ST18: variants seen among roughly 807,000 people sequenced by gnomAD.
ST18 encodes suppression of tumorigenicity 18 protein.
In ST18, 50 loss-of-function variants were observed where a neutral mutation model predicts 110.0. The observed-to-expected ratio is 0.45, with a 90% CI of 0.36 to 0.58. The LOEUF (loss-of-function observed/expected upper bound fraction) is 0.58. Ranked by LOEUF, ST18 falls within the 20% of genes least tolerant of loss-of-function variation. The pLI, the probability that ST18 is intolerant of heterozygous loss-of-function variation, is 0.00. For missense variants in ST18, 1,306 were observed against 1,280.1 expected (o/e 1.02, Z -0.31); for synonymous variants, 461 against 452.4 (o/e 1.02, Z -0.24).
chr8:52,304,339 C>T (rs2139592391), intron 2 of ST18, among the ~76,000 whole-genome samples: 1 of 152,196 alleles, frequency 6.6e-6, no homozygotes, highest in African/African-American at 2.4e-5. Context: ...TACACACACA[C>T]ACATGTGCAC....
intron 2 of ST18, among the ~76,000 whole-genome samples, chr8:52,383,155 T>A (rs1242410840): frequency 6.6e-6 from 1 of 152,124 alleles, no homozygotes; most frequent in Non-Finnish European, 1.5e-5. Context: ...GCTCAAAGGG[T>A]GACTTCTATT....
rs146233338 is a variant in ST18 at position 52,373,973 on chromosome 8, G to A, written c.-465+35355C>T. On this transcript the variant is annotated intron_variant, in intron 2 of 25. Transcript: ENST00000689386. ...CACTCCTCACACTCCAGGGCGAACA[G>A]TTTTCGCCATCATTCTGTTTCTCAA... 1.6e-3 allele frequency among the ~76,000 whole-genome samples: 238 copies of A among 152,176 alleles called. 4 individuals carry two copies. In the East Asian group the frequency reaches 0.039, roughly 25 times the overall value.
intron 8 of ST18, among the ~76,000 whole-genome samples, chr8:52,200,023 C>T (rs2077429797): frequency 6.6e-6 from 1 of 152,198 alleles, no homozygotes; most frequent in Non-Finnish European, 1.5e-5. Flanking sequence ...CTTTCAAAAA[C>T]TATGAGTTCC....
chr8:52,343,426 C>A (rs891662337), intron 2 of ST18, among the ~76,000 whole-genome samples: 1 of 152,094 alleles, frequency 6.6e-6, no homozygotes, highest in Non-Finnish European at 1.5e-5. Context: ...CTTGAATGTA[C>A]CAACCATAGA....
intron 2 of ST18, among the ~76,000 whole-genome samples, chr8:52,243,744 A>G (rs2093626986): frequency 6.6e-6 from 1 of 152,230 alleles, no homozygotes; most frequent in African/African-American, 2.4e-5. Context: ...CACATATATC[A>G]TCATTGTTCT....
At chr8:52,170,825 C>A (rs1305445938) in intron 10 of ST18, among the ~76,000 whole-genome samples, 1 of 152,144 alleles carries the variant, frequency 6.6e-6, no homozygotes, top group Non-Finnish European at 1.5e-5. Context: ...GTCAAGATTG[C>A]AGGTGAGTGC....
At chr8:52,321,672 A>T (rs1303925997) in intron 2 of ST18, among the ~76,000 whole-genome samples, 1 of 152,212 alleles carries the variant, frequency 6.6e-6, no homozygotes, top group Non-Finnish European at 1.5e-5. Flanking sequence ...TACAATCACC[A>T]ACTAGGTCAT....
chr8:52,241,255 A>G (rs373619788), intron 2 of ST18, among the ~76,000 whole-genome samples: 5 of 152,190 alleles, frequency 3.3e-5, no homozygotes, highest in Non-Finnish European at 7.4e-5. Flanking sequence ...TCAATGCTCA[A>G]TATGTTTGTT....
At chr8:52,166,449 G>T (rs2063021542) in intron 11 of ST18, among the ~76,000 whole-genome samples, 1 of 152,124 alleles carries the variant, frequency 6.6e-6, no homozygotes, top group South Asian at 2.1e-4. Flanking sequence ...ATGCCCTCGA[G>T]CCTGCTGAAA....
At chr8:52,310,060 A>G (rs911467754) in intron 2 of ST18, among the ~76,000 whole-genome samples, 1 of 152,178 alleles carries the variant, frequency 6.6e-6, no homozygotes, top group African/African-American at 2.4e-5. Flanking sequence ...ATCCTCACTT[A>G]ATGTTTAATC....
At chr8:52,286,954 G>T (rs1258698700) in intron 2 of ST18, among the ~76,000 whole-genome samples, 1 of 151,946 alleles carries the variant, frequency 6.6e-6, no homozygotes, top group Non-Finnish European at 1.5e-5. Context: ...TGTGATACAG[G>T]TGTGCTCAAG....
At chr8:52,128,006 G>A (rs2047764879) in intron 22 of ST18, among the ~76,000 whole-genome samples, 1 of 151,000 alleles carries the variant, frequency 6.6e-6, no homozygotes, top group Non-Finnish European at 1.5e-5. Context: ...GTCTCACCAA[G>A]CCACCCAGGC....
chr8:52,187,975 A>G lies in ST18; in HGVS notation c.87-7663T>C, dbSNP rs549911412. Among the ~76,000 whole-genome samples, 9 of 152,340 alleles carry G rather than the reference A, an allele frequency of 5.9e-5. No individual in the cohort carries two copies. In the East Asian group the frequency reaches 1.3e-3, roughly 23 times the overall value. ...CAATTATTCAGCAAAATCAATGTAT[A>G]TGGACAGTACTATTTTTCCAGCTTA... On this transcript the variant is annotated intron_variant, in intron 8 of 25. Coordinates refer to ENST00000689386, the MANE Select transcript of ST18 (RefSeq NM_001352837.2).
At chr8:52,372,635 T>C (rs1018094287) in intron 2 of ST18, among the ~76,000 whole-genome samples, 1 of 152,210 alleles carries the variant, frequency 6.6e-6, no homozygotes, top group Non-Finnish European at 1.5e-5. Flanking sequence ...TGTTTAAATA[T>C]GTTTAGATAC....
intron 2 of ST18, among the ~76,000 whole-genome samples, chr8:52,290,549 G>C (rs1388228545): frequency 6.6e-6 from 1 of 152,216 alleles, no homozygotes; most frequent in Non-Finnish European, 1.5e-5. Flanking sequence ...TTCATCAGTA[G>C]AACTTCCTCA....
Position 52,149,996 on chromosome 8 carries a change from C to G in ST18, c.1807-19G>C, listed in dbSNP as rs370450883. ...CGGCTCCCTGGTATACAATAGGAAA[C>G]AGAAAAACATTTAAGCAGTTTGCAG... On this transcript the variant is annotated intron_variant, in intron 15 of 25. Coordinates refer to ENST00000689386, the MANE Select transcript of ST18 (RefSeq NM_001352837.2). 7.5e-6 allele frequency: 12 copies of G among 1,603,598 alleles called. No homozygotes were observed. The highest frequency in any genetic ancestry group is 9.4e-6 in the Non-Finnish European group (11 of 1,174,822).
At chr8:52,373,083 G>A (rs1830826605) in intron 2 of ST18, among the ~76,000 whole-genome samples, 1 of 152,176 alleles carries the variant, frequency 6.6e-6, no homozygotes, top group South Asian at 2.1e-4. Context: ...AGAGTTCCTA[G>A]GTCTCTGCCC....
intron 9 of ST18, among the ~76,000 whole-genome samples, chr8:52,176,025 CTCTT>C (rs370282296): frequency 4.5e-4 from 69 of 151,804 alleles, no homozygotes; most frequent in Non-Finnish European, 9.1e-4. Context: ...TGTCAGCTAA[CTCTT>C]TTTTTTTTTT....
intron 8 of ST18, among the ~76,000 whole-genome samples, chr8:52,191,660 AG>A (rs1213708863): frequency 6.6e-6 from 1 of 152,210 alleles, no homozygotes; most frequent in East Asian, 1.9e-4. Context: ...GTTGGTCAGC[AG>A]GTCACAACTT....
Sources: allele counts gnomAD v4.1 joint callset (sites outside exome capture counted in the v4.1 genomes callset), GRCh38; gene constraint gnomAD v4.1.1; transcripts MANE v1.5; gene names NCBI Gene and HGNC (gene_info 2026-07-23, HGNC 2026-07-21).